The following KCNH8 variants were observed in gnomAD, a reference collection of about 807,000 sequenced individuals.
KCNH8 encodes potassium voltage-gated channel subfamily H member 8.
A neutral mutation model predicts 103.6 loss-of-function variants in KCNH8; 70 were observed. The observed-to-expected ratio is 0.68, with a 90% CI of 0.56 to 0.82. The LOEUF (loss-of-function observed/expected upper bound fraction) is 0.82, where lower values mean the gene tolerates loss of function less well. KCNH8 is among the 40% of genes least tolerant of loss of function. The pLI is 0.00. For missense variants in KCNH8, 1,217 were observed against 1,329.9 expected (o/e 0.92, Z 1.32); for synonymous variants, 498 against 489.4 (o/e 1.02, Z -0.23).
At chr3:19,274,823 TCCCTTCCCTCCCCTCCCCAC>T (rs2064640119) in intron 2 of KCNH8, among the ~76,000 whole-genome samples, 8 of 99,460 alleles carry the variant, frequency 8.0e-5, no homozygotes, top group Admixed American at 1.0e-4. Flanking sequence ...TGATTTCCCT[TCCCTTCCCTCCCCTCCCCAC>T]CCCTCCCCTC....
intron 7 of KCNH8, among the ~76,000 whole-genome samples, chr3:19,435,800 C>T (rs1483343242): frequency 1.3e-5 from 2 of 152,110 alleles, no homozygotes; most frequent in East Asian, 3.9e-4. Flanking sequence ...AAATAACTTG[C>T]TCGCATTCCT....
intron 11 of KCNH8, among the ~76,000 whole-genome samples, chr3:19,471,447 C>G (rs1266693769): frequency 6.6e-6 from 1 of 152,098 alleles, no homozygotes; most frequent in Non-Finnish European, 1.5e-5. Context: ...CAGTGTTTGC[C>G]CTCTGTAGAG....
chr3:19,193,027 T>C (rs1164249631), intron 1 of KCNH8, among the ~76,000 whole-genome samples: 1 of 151,658 alleles, frequency 6.6e-6, no homozygotes, highest in Non-Finnish European at 1.5e-5. Context: ...AAAGATTCAT[T>C]TATAGATGCA....
chr3:19,379,331 C>A (rs898622076), intron 5 of KCNH8, among the ~76,000 whole-genome samples: 2 of 152,122 alleles, frequency 1.3e-5, no homozygotes, highest in African/African-American at 4.8e-5. Flanking sequence ...AGCATTAGTA[C>A]TGACAAGCAT....
At chr3:19,307,383 G>C (rs764026128) in intron 3 of KCNH8, among the ~76,000 whole-genome samples, 1 of 151,860 alleles carries the variant, frequency 6.6e-6, no homozygotes, top group South Asian at 2.1e-4. Flanking sequence ...AGTTAGGATG[G>C]CTATTATCAA....
At chr3:19,353,225 A>C (rs866548510) in intron 5 of KCNH8, among the ~76,000 whole-genome samples, 1 of 152,180 alleles carries the variant, frequency 6.6e-6, no homozygotes, top group Non-Finnish European at 1.5e-5. Flanking sequence ...CAGGCTATGA[A>C]ATTAAGGCAA....
chr3:19,367,115 C>A (rs1574973637), intron 5 of KCNH8, among the ~76,000 whole-genome samples: 3 of 151,920 alleles, frequency 2.0e-5, no homozygotes, highest in African/African-American at 7.3e-5. Context: ...TGCACTTCCT[C>A]AACTGTGTCA....
chr3:19,527,446 T>A (rs1219923457), intron 15 of KCNH8, among the ~76,000 whole-genome samples: 2 of 152,042 alleles, frequency 1.3e-5, no homozygotes, highest in African/African-American at 4.8e-5. Flanking sequence ...AGATACCAGT[T>A]ACATGGGGAC....
chr3:19,265,066 T>C (rs912168509), intron 2 of KCNH8, among the ~76,000 whole-genome samples: 3 of 152,030 alleles, frequency 2.0e-5, no homozygotes, highest in Non-Finnish European at 2.9e-5. Context: ...GGGTGAGTGA[T>C]TGACAAACTA....
chr3:19,277,545 C>T (rs994883183), intron 2 of KCNH8, among the ~76,000 whole-genome samples: 5 of 151,992 alleles, frequency 3.3e-5, no homozygotes, highest in African/African-American at 1.2e-4. Context: ...GTAAGACTTT[C>T]TCTTAAAAAA....
chr3:19,420,552 G>C (rs2066935391), intron 7 of KCNH8, among the ~76,000 whole-genome samples: 1 of 152,130 alleles, frequency 6.6e-6, no homozygotes, highest in Non-Finnish European at 1.5e-5. Flanking sequence ...TAGGTTTACA[G>C]GTTGAAAAGC....
At chr3:19,351,788 G>A (rs1169749251) in intron 5 of KCNH8, among the ~76,000 whole-genome samples, 1 of 152,048 alleles carries the variant, frequency 6.6e-6, no homozygotes, top group Admixed American at 6.6e-5. Flanking sequence ...AAATATGCCA[G>A]ATTGTAAAGA....
chr3:19,437,355 C>G (rs2067214732), intron 7 of KCNH8, among the ~76,000 whole-genome samples: 1 of 152,092 alleles, frequency 6.6e-6, no homozygotes, highest in Non-Finnish European at 1.5e-5. Context: ...TAAGCTTATA[C>G]TTGCTATCTT....
chr3:19,316,473 T>C (rs1317062664), intron 3 of KCNH8, among the ~76,000 whole-genome samples: 1 of 151,976 alleles, frequency 6.6e-6, no homozygotes, highest in African/African-American at 2.4e-5. Context: ...CTTTAAAAAT[T>C]GAATTTTGGT....
Position 19,534,134 on chromosome 3 carries a change from C to T in KCNH8, c.*35C>T. The T allele has an allele frequency of 6.7e-7, 1 of 1,484,890 alleles. No homozygotes were observed. The highest frequency in any genetic ancestry group is 9.3e-7 in the Non-Finnish European group (1 of 1,073,390). The allele number at this position is 1,484,890 out of a possible 1,614,324, so 92.0% of individuals were successfully genotyped here. A position where few individuals can be genotyped will look rare whatever the true frequency, so the allele number is the denominator to read the frequency against. On this transcript the variant is annotated 3_prime_UTR_variant, in exon 16 of 16. Transcript: ENST00000328405. Reference sequence around the variant, plus strand: ...CCATGATGCAGCAGCTAATTTCAAACCTACCACTGCATGACAGTTTTAGTT... The same window carrying T: ...CCATGATGCAGCAGCTAATTTCAAATCTACCACTGCATGACAGTTTTAGTT...
At chr3:19,349,992 T>A (rs12635054) in intron 5 of KCNH8, among the ~76,000 whole-genome samples, 38,743 of 151,830 alleles carry the variant, frequency 0.26, 5,110 homozygotes, top group East Asian at 0.35. Flanking sequence ...CAAGCAGTTC[T>A]AGTGTGACTC....
intron 3 of KCNH8, among the ~76,000 whole-genome samples, chr3:19,328,713 A>G (rs190615375): frequency 5.3e-5 from 8 of 152,320 alleles, no homozygotes; most frequent in East Asian, 1.9e-4. Flanking sequence ...AAAACACATT[A>G]TCTTTCTTGA....
At chr3:19,527,777 A>G (rs1315909629) in intron 15 of KCNH8, among the ~76,000 whole-genome samples, 1 of 152,026 alleles carries the variant, frequency 6.6e-6, no homozygotes, top group East Asian at 1.9e-4. Flanking sequence ...ATGACAGGGG[A>G]TGTTGTTTAA....
chr3:19,392,900 C>T (rs374649926), intron 6 of KCNH8, among the ~76,000 whole-genome samples: 1 of 151,946 alleles, frequency 6.6e-6, no homozygotes, highest in East Asian at 1.9e-4. Flanking sequence ...TTAAAATATC[C>T]ATAAAATGGG....
Sources: allele counts gnomAD v4.1 joint callset (sites outside exome capture counted in the v4.1 genomes callset), GRCh38; gene constraint gnomAD v4.1.1; transcripts MANE v1.5; gene names NCBI Gene and HGNC (gene_info 2026-07-23, HGNC 2026-07-21).